CNTNAP5: variants seen among roughly 807,000 people sequenced by gnomAD.
CNTNAP5 encodes contactin-associated protein-like 5.
Under a neutral mutation model 150.2 loss-of-function variants are expected in CNTNAP5, and 72 were observed. That is an observed-to-expected ratio of 0.48 (90% CI 0.40 to 0.58). The LOEUF (loss-of-function observed/expected upper bound fraction) is 0.58. Among genes scored for constraint, CNTNAP5 ranks in the 20% least tolerant of loss-of-function variants. CNTNAP5 has a pLI of 0.00. For missense variants in CNTNAP5, 1,636 were observed against 1,626.2 expected (o/e 1.01, Z -0.10); for synonymous variants, 672 against 619.8 (o/e 1.08, Z -1.25).
chr2:124,319,200 G>A (rs1476483262), intron 3 of CNTNAP5, among the ~76,000 whole-genome samples: 8 of 152,164 alleles, frequency 5.3e-5, no homozygotes, highest in Admixed American at 3.9e-4. Context: ...CTTCATTTCT[G>A]TAAGTGGCTT....
chr2:124,208,415 T>C (rs1439764255), intron 1 of CNTNAP5, among the ~76,000 whole-genome samples: 1 of 152,226 alleles, frequency 6.6e-6, no homozygotes, highest in Non-Finnish European at 1.5e-5. Context: ...CTTACCTCCA[T>C]GTAATACATT....
At chr2:124,739,262 A>G (rs1163967513) in intron 13 of CNTNAP5, among the ~76,000 whole-genome samples, 2 of 152,150 alleles carry the variant, frequency 1.3e-5, no homozygotes, top group Non-Finnish European at 2.9e-5. Context: ...ACTATTAGAC[A>G]TATGTTCTGA....
In CNTNAP5 at chr2:124,522,625, T is replaced by C. The variant is rs375218988; in HGVS notation, c.1328-1678T>C. ...GATGCCTGGGGCCCATGCCCAGAGA[T>C]GCTGATGGAATTGGTTTGGGAAAAG... On this transcript the variant is annotated intron_variant, in intron 8 of 23. Transcript: ENST00000682447. Among the ~76,000 whole-genome samples, 22 of 152,360 alleles carry C rather than the reference T, an allele frequency of 1.4e-4. No individual in the cohort carries two copies. The South Asian group carries it at 4.4e-3, about 30-fold the overall frequency.
At chr2:124,468,840 A>G (rs1324050859) in intron 6 of CNTNAP5, among the ~76,000 whole-genome samples, 1 of 152,116 alleles carries the variant, frequency 6.6e-6, no homozygotes, top group Non-Finnish European at 1.5e-5. Flanking sequence ...ACTGTGCTAG[A>G]GTGACCAGGT....
At chr2:124,295,540 G>A (rs953453790) in intron 3 of CNTNAP5, among the ~76,000 whole-genome samples, 3 of 151,986 alleles carry the variant, frequency 2.0e-5, no homozygotes, top group African/African-American at 7.2e-5. Flanking sequence ...AATTGAGTGT[G>A]GATCTTCTTC....
At chr2:124,131,653 T>C (rs1004513785) in intron 1 of CNTNAP5, among the ~76,000 whole-genome samples, 1 of 152,178 alleles carries the variant, frequency 6.6e-6, no homozygotes, top group African/African-American at 2.4e-5. Context: ...TGTGTTTGCG[T>C]AGTGCAGCTG....
At chr2:124,404,082 G>A (rs577916175) in intron 3 of CNTNAP5, among the ~76,000 whole-genome samples, 10 of 152,140 alleles carry the variant, frequency 6.6e-5, no homozygotes, top group South Asian at 6.2e-4. Context: ...AACCGTATCC[G>A]CAGGGATGTT....
At position 124,584,604 on chromosome 2, in the gene CNTNAP5, C is replaced by G. The variant is rs561233596; in HGVS notation, c.1756+21281C>G. On this transcript the variant is annotated intron_variant, in intron 11 of 23. Transcript: ENST00000682447. ...TCACAGCTTGAAAAATAGACATTCACCAATTCACACAGAAAGACCACTCTT... is the reference window on the plus strand; with the variant it reads ...TCACAGCTTGAAAAATAGACATTCAGCAATTCACACAGAAAGACCACTCTT... Among the ~76,000 whole-genome samples, 3 of 152,236 alleles carry G rather than the reference C, an allele frequency of 2.0e-5. No individual in the cohort carries two copies. The East Asian group carries it at 5.8e-4, about 29-fold the overall frequency.
chr2:124,624,433 T>A (rs1573504603), intron 12 of CNTNAP5, among the ~76,000 whole-genome samples: 1 of 152,370 alleles, frequency 6.6e-6, no homozygotes, highest in East Asian at 1.9e-4. Context: ...TGAATTCCTT[T>A]ATTATCTTCT....
intron 1 of CNTNAP5, among the ~76,000 whole-genome samples, chr2:124,205,754 A>G (rs1368238404): frequency 6.6e-6 from 1 of 152,208 alleles, no homozygotes; most frequent in East Asian, 1.9e-4. Flanking sequence ...TCAGAGTAGC[A>G]TGAGAATGGA....
chr2:124,764,106 A>T lies in CNTNAP5; in HGVS notation c.2492A>T (p.Glu831Val), dbSNP rs1219159940. 1 of 1,613,204 alleles carries T rather than the reference A, an allele frequency of 6.2e-7. No homozygotes were observed. The highest frequency in any genetic ancestry group is 1.7e-5 in the Admixed American group (1 of 59,968). The change falls in exon 16 of 24, where the codon GAA becomes GTA. Residue 831 changes from glutamate (E) to valine (V), a missense_variant. Glu to Val is a moderately radical substitution (Grantham distance 121). Transcript: ENST00000682447. The part of the protein sequence containing the change: ...KTTALSGVFL[E>V]NLGIKDFIRL... ...ACAGCATTATCCGGAGTTTTCCTAG[A>T]AAATCTTGGCATTAAAGACTTCATT... is the stretch of plus-strand genomic sequence containing the variant.
intron 11 of CNTNAP5, among the ~76,000 whole-genome samples, chr2:124,586,206 G>A (rs897877569): frequency 6.6e-6 from 1 of 152,188 alleles, no homozygotes; most frequent in South Asian, 2.1e-4. Context: ...ATCAACGAAT[G>A]AGCTGTGCTA....
intron 2 of CNTNAP5, among the ~76,000 whole-genome samples, chr2:124,227,792 A>G (rs962977009): frequency 6.6e-6 from 1 of 151,832 alleles, no homozygotes. Flanking sequence ...GCGGAAGAAA[A>G]TAATATTGGA....
At chr2:124,614,595 C>T (rs924241536) in intron 12 of CNTNAP5, among the ~76,000 whole-genome samples, 1 of 152,050 alleles carries the variant, frequency 6.6e-6, no homozygotes, top group African/African-American at 2.4e-5. Flanking sequence ...CTGATGTTGC[C>T]ATGACATTTG....
chr2:124,619,865 A>G (rs1244128289), intron 12 of CNTNAP5, among the ~76,000 whole-genome samples: 3 of 115,476 alleles, frequency 2.6e-5, no homozygotes, highest in African/African-American at 4.1e-5. Context: ...ATATATATAT[A>G]TATATATATA....
At chr2:124,335,689 T>C (rs983639459) in intron 3 of CNTNAP5, among the ~76,000 whole-genome samples, 1 of 151,640 alleles carries the variant, frequency 6.6e-6, no homozygotes, top group African/African-American at 2.4e-5. Context: ...TGTTTACCAC[T>C]CACTCAACTG....
At chr2:124,393,722 C>T (rs149093808) in intron 3 of CNTNAP5, among the ~76,000 whole-genome samples, 404 of 152,246 alleles carry the variant, frequency 2.7e-3, no homozygotes, top group Admixed American at 5.8e-3. Flanking sequence ...CTAAGTAAAG[C>T]GGGGCAGGAT....
At chr2:124,386,784 T>C (rs780002) in intron 3 of CNTNAP5, among the ~76,000 whole-genome samples, 34,270 of 152,046 alleles carry the variant, frequency 0.23, 4,016 homozygotes, top group East Asian at 0.28. Context: ...TCCCCAAAAA[T>C]TGCCACTCCT....
At chr2:124,709,648 T>C (rs1679765849) in intron 13 of CNTNAP5, among the ~76,000 whole-genome samples, 1 of 152,164 alleles carries the variant, frequency 6.6e-6, no homozygotes, top group Non-Finnish European at 1.5e-5. Context: ...TTTTTGGAGT[T>C]AAAATTATTT....
Sources: gnomAD v4.1 joint callset for allele counts (sites outside exome capture counted in the v4.1 genomes callset) on GRCh38, gnomAD v4.1.1 for gene constraint, MANE v1.5 for transcripts, NCBI Gene and HGNC (gene_info 2026-07-23, HGNC 2026-07-21) for gene names.